CSMD1: variants seen among roughly 807,000 people sequenced by gnomAD.
CSMD1 encodes CUB and Sushi multiple domains 1.
In CSMD1, 213 loss-of-function variants were observed where a neutral mutation model predicts 417.5. The observed-to-expected ratio is 0.51, with a 90% CI of 0.46 to 0.57. CSMD1 has a LOEUF of 0.57. Ranked by LOEUF, CSMD1 falls within the 20% of genes least tolerant of loss-of-function variation. CSMD1 has a pLI of 0.00. For synonymous variants in CSMD1, 2,862 were observed against 1,736.8 expected (o/e 1.65, Z -16.11); for missense variants, 6,923 against 4,529.7 (o/e 1.53, Z -15.17).
At chr8:3,375,100 G>C (rs568209778) in intron 18 of CSMD1, 1 of 152,144 alleles carries the variant, frequency 6.6e-6, no homozygotes, top group Non-Finnish European at 1.5e-5. Context: ...ACTGTAACTT[G>C]AAACCTGACA....
chr8:3,851,537 G>C (rs939203430), intron 5 of CSMD1, among the ~76,000 whole-genome samples: 3 of 152,180 alleles, frequency 2.0e-5, no homozygotes, highest in African/African-American at 7.2e-5. Flanking sequence ...GTCCCTGAAA[G>C]GTGAGCCTCT....
intron 5 of CSMD1, among the ~76,000 whole-genome samples, chr8:3,994,745 C>T (rs1241409151): frequency 1.3e-5 from 2 of 152,200 alleles, no homozygotes; most frequent in Admixed American, 6.5e-5. Flanking sequence ...ATTTAGACTG[C>T]CTCCACTGCT....
At chr8:4,970,780 T>G (rs975539479) in intron 1 of CSMD1, among the ~76,000 whole-genome samples, 6 of 152,108 alleles carry the variant, frequency 3.9e-5, no homozygotes, top group Non-Finnish European at 8.8e-5. Context: ...AGGGTCTTAA[T>G]TTTCCAACTA....
chr8:4,950,971 C>A (rs1387689316), intron 1 of CSMD1, among the ~76,000 whole-genome samples: 3 of 102,616 alleles, frequency 2.9e-5, no homozygotes, highest in Non-Finnish European at 5.8e-5. Context: ...GTAAAAAAAA[C>A]AAAAACAAAA....
At chr8:3,734,484 G>T (rs991353196) in intron 6 of CSMD1, among the ~76,000 whole-genome samples, 1 of 152,202 alleles carries the variant, frequency 6.6e-6, no homozygotes, top group African/African-American at 2.4e-5. Flanking sequence ...GCTGAGGTGG[G>T]TGGATCCCTT....
chr8:3,972,454 T>C (rs1025381197), intron 5 of CSMD1, among the ~76,000 whole-genome samples: 1 of 152,218 alleles, frequency 6.6e-6, no homozygotes, highest in African/African-American at 2.4e-5. Context: ...TAAACAGTGA[T>C]TCCTTGGCTT....
chr8:3,838,520 T>C (rs1179998130), intron 5 of CSMD1, among the ~76,000 whole-genome samples: 4 of 119,090 alleles, frequency 3.4e-5, no homozygotes, highest in Non-Finnish European at 3.4e-5. Context: ...TAATATAATA[T>C]AGCCTATATA....
At chr8:3,437,737 G>A (rs908866047) in intron 12 of CSMD1, among the ~76,000 whole-genome samples, 5 of 144,282 alleles carry the variant, frequency 3.5e-5, no homozygotes, top group African/African-American at 1.3e-4. Context: ...TATAGATGCA[G>A]CTAATTGATA....
intron 5 of CSMD1, among the ~76,000 whole-genome samples, chr8:3,946,816 T>C (rs181158650): frequency 1.3e-5 from 2 of 152,302 alleles, no homozygotes; most frequent in African/African-American, 4.8e-5. Flanking sequence ...TCTGTCATAT[T>C]TTAATTCTGT....
chr8:3,754,110 C>A (rs578066426), intron 5 of CSMD1, 68 bp from the exon 6 acceptor site: 2 of 963,468 alleles, frequency 2.1e-6, no homozygotes, highest in South Asian at 1.5e-5. Flanking sequence ...ATATCAAACC[C>A]GCTTTGAAAT....
chr8:4,049,220 T>C (rs1420123957), intron 3 of CSMD1, among the ~76,000 whole-genome samples: 3 of 152,098 alleles, frequency 2.0e-5, no homozygotes, highest in African/African-American at 7.2e-5. Context: ...TCTGATACCA[T>C]ATGTAGACTT....
At chr8:3,601,865 A>G (rs1801376468) in intron 8 of CSMD1, among the ~76,000 whole-genome samples, 1 of 152,142 alleles carries the variant, frequency 6.6e-6, no homozygotes, top group South Asian at 2.1e-4. Context: ...AATGTGTTGA[A>G]GCAAAGGAGA....
intron 3 of CSMD1, among the ~76,000 whole-genome samples, chr8:4,166,236 G>C (rs7838883): frequency 1.3e-5 from 2 of 152,016 alleles, no homozygotes; most frequent in Non-Finnish European, 2.9e-5. Flanking sequence ...AATATATCCA[G>C]ATTATCATAT....
intron 3 of CSMD1, among the ~76,000 whole-genome samples, chr8:4,117,033 C>T (rs753441637): frequency 5.9e-5 from 9 of 151,782 alleles, no homozygotes; most frequent in Admixed American, 5.3e-4. Context: ...TTTCTTTTCG[C>T]AGTTTGGAAA....
intron 3 of CSMD1, among the ~76,000 whole-genome samples, chr8:4,094,371 G>A (rs1800888796): frequency 6.6e-6 from 1 of 152,144 alleles, no homozygotes; most frequent in Non-Finnish European, 1.5e-5. Context: ...ACAGAGGAAA[G>A]AGTGGGTCAT....
chr8:3,943,271 T>C (rs1673501237), intron 5 of CSMD1, among the ~76,000 whole-genome samples: 1 of 151,964 alleles, frequency 6.6e-6, no homozygotes, highest in Non-Finnish European at 1.5e-5. Context: ...CTATATTTTA[T>C]AAAGTGTATG....
intron 12 of CSMD1, among the ~76,000 whole-genome samples, chr8:3,462,176 A>G (rs2117157937): frequency 6.6e-6 from 1 of 152,014 alleles, no homozygotes; most frequent in South Asian, 2.1e-4. Context: ...TCTTTTCAGG[A>G]ATCATCCCAA....
At chr8:4,134,545 C>T (rs903852588) in intron 3 of CSMD1, among the ~76,000 whole-genome samples, 11 of 152,208 alleles carry the variant, frequency 7.2e-5, no homozygotes, top group Admixed American at 1.3e-4. Context: ...TTTAAGCCAC[C>T]TAGTCTGTGG....
chr8:3,244,853 C>A (rs1799777760), intron 26 of CSMD1, among the ~76,000 whole-genome samples: 1 of 152,192 alleles, frequency 6.6e-6, no homozygotes, highest in South Asian at 2.1e-4. Flanking sequence ...TGCTTGGCAG[C>A]AAGCAGCCTC....
Sources: allele counts gnomAD v4.1 joint callset (sites outside exome capture counted in the v4.1 genomes callset), GRCh38; gene constraint gnomAD v4.1.1; transcripts MANE v1.5; gene names NCBI Gene and HGNC (gene_info 2026-07-23, HGNC 2026-07-21).